Variants in RAI14 observed in about 807,000 individuals in gnomAD.
The protein encoded by RAI14 is ankycorbin.
A neutral mutation model predicts 115.4 loss-of-function variants in RAI14; 45 were observed. The observed-to-expected ratio is 0.39, with a 90% CI of 0.31 to 0.50. The LOEUF is 0.50. Ranked by LOEUF, RAI14 falls within the 20% of genes least tolerant of loss-of-function variation. The pLI is 0.85. For missense variants in RAI14, 939 were observed against 1,131.2 expected (o/e 0.83, Z 2.44); for synonymous variants, 371 against 415.4 (o/e 0.89, Z 1.30).
chr5:34,768,769 G>A (rs985435377), intron 3 of RAI14, among the ~76,000 whole-genome samples: 4 of 152,082 alleles, frequency 2.6e-5, no homozygotes, highest in Admixed American at 6.6e-5. Flanking sequence ...CGGGCAGATC[G>A]CTTGAGGTCA....
chr5:34,824,607 C>A, intron 15 of RAI14, 116 bp downstream of exon 15: 1 of 843,628 alleles, frequency 1.2e-6, no homozygotes, highest in Non-Finnish European at 1.7e-6. Context: ...CTCAGAGGCT[C>A]TGCACATGAA....
At chr5:34,794,988 GAGA>G (rs1202539100) in intron 3 of RAI14, among the ~76,000 whole-genome samples, 5 of 152,226 alleles carry the variant, frequency 3.3e-5, no homozygotes, top group Non-Finnish European at 7.3e-5. Context: ...ACTGACTCAG[GAGA>G]AGAACTAGAA....
chr5:34,720,653 G>A lies in RAI14; in HGVS notation c.36+33698G>A, dbSNP rs1219906052. Among the ~76,000 whole-genome samples, 4 of 151,974 alleles carry A rather than the reference G, an allele frequency of 2.6e-5. No homozygotes were observed. In the East Asian group the frequency reaches 7.8e-4, roughly 30 times the overall value. On this transcript the variant is annotated intron_variant, in intron 2 of 17. Coordinates refer to ENST00000265109, the MANE Select transcript of RAI14 (RefSeq NM_015577.3). ...TCTCGATCTCCTGACTTTGTGATCT[G>A]CCCACCTCGGCCTCCCAAAGTGCTG...
At chr5:34,706,766 A>C (rs967858579) in intron 2 of RAI14, among the ~76,000 whole-genome samples, 8 of 152,176 alleles carry the variant, frequency 5.3e-5, no homozygotes, top group African/African-American at 1.9e-4. Context: ...AGGGCACAGA[A>C]ATAATACTTG....
At chr5:34,666,128 C>T (rs879803870) in intron 1 of RAI14, among the ~76,000 whole-genome samples, 3 of 152,196 alleles carry the variant, frequency 2.0e-5, no homozygotes, top group Non-Finnish European at 2.9e-5. Flanking sequence ...GCAGCAGTTT[C>T]CCAGTTTTGC....
intron 3 of RAI14, among the ~76,000 whole-genome samples, chr5:34,764,955 G>A (rs1054494383): frequency 1.3e-5 from 2 of 152,068 alleles, no homozygotes; most frequent in Admixed American, 6.6e-5. Flanking sequence ...AATCCTGGGG[G>A]CAGTTTCCCC....
chr5:34,768,857 T>TGCA (rs1324391618), intron 3 of RAI14, among the ~76,000 whole-genome samples: 1 of 152,048 alleles, frequency 6.6e-6, no homozygotes, highest in African/African-American at 2.4e-5. Flanking sequence ...GATGTGTAGA[T>TGCA]GCACGCTTGT....
At chr5:34,698,224 C>T in intron 2 of RAI14, among the ~76,000 whole-genome samples, 1 of 142,726 alleles carries the variant, frequency 7.0e-6, no homozygotes, top group Admixed American at 7.2e-5. Context: ...CCATCTCCTC[C>T]CCTCCCTTTA....
Position 34,818,810 on chromosome 5 carries a change from C to A in RAI14, c.953C>A (p.Ser318Tyr). The change falls in exon 13 of 18, where the codon TCT (serine) becomes TAT (tyrosine). Residue 318 changes from serine (S) to tyrosine (Y), a missense_variant. Coordinates refer to ENST00000265109, the MANE Select transcript of RAI14 (RefSeq NM_015577.3). The part of the protein sequence containing the change: ...AEPPFKAEIS[S>Y]IRENKDRLSD... ...GTGTTTCAATAGGCTGAGATCAGTT[C>A]TATACGAGAAAACAAAGACAGACTA... The A allele has an allele frequency of 6.2e-7, 1 of 1,610,510 alleles. No homozygotes were observed. The highest frequency in any genetic ancestry group is 8.5e-7 in the Non-Finnish European group (1 of 1,178,140).
chr5:34,721,262 T>C (rs1177660575), intron 2 of RAI14, among the ~76,000 whole-genome samples: 1 of 146,920 alleles, frequency 6.8e-6, no homozygotes, highest in African/African-American at 2.5e-5. Flanking sequence ...TATATAGATA[T>C]GTGTGTGTAT....
chr5:34,662,286 A>G (rs1466152797), intron 1 of RAI14, among the ~76,000 whole-genome samples: 1 of 152,196 alleles, frequency 6.6e-6, no homozygotes, highest in Non-Finnish European at 1.5e-5. Context: ...AGGTCCCTAG[A>G]TATACTCTAA....
At chr5:34,688,040 A>T in intron 2 of RAI14, 1 of 1,408,534 alleles carries the variant, frequency 7.1e-7, no homozygotes, top group Non-Finnish European at 9.4e-7. Context: ...GTTATGAAAA[A>T]AGTTGATCTT....
chr5:34,687,982 T>G, intron 2 of RAI14: 3 of 1,167,408 alleles, frequency 2.6e-6, no homozygotes, highest in South Asian at 3.4e-5. Flanking sequence ...GAGATGCTTA[T>G]GGGATGATGG....
At chr5:34,780,720 AC>A (rs1345376642) in intron 3 of RAI14, among the ~76,000 whole-genome samples, 1 of 152,176 alleles carries the variant, frequency 6.6e-6, no homozygotes, top group Non-Finnish European at 1.5e-5. Flanking sequence ...AAGTCAGGAA[AC>A]AGGTGCTGGA....
chr5:34,738,457 G>A (rs1241855753), intron 2 of RAI14, among the ~76,000 whole-genome samples: 2 of 152,160 alleles, frequency 1.3e-5, no homozygotes, highest in African/African-American at 4.8e-5. Flanking sequence ...GGAATTCATG[G>A]GAGCAGTGCC....
At chr5:34,797,762 A>G (rs1252620714) in intron 4 of RAI14, among the ~76,000 whole-genome samples, 1 of 152,218 alleles carries the variant, frequency 6.6e-6, no homozygotes, top group African/African-American at 2.4e-5. Context: ...TCTTAAAGTT[A>G]TGCCATAAAA....
chr5:34,808,537 GA>G, intron 6 of RAI14, 46 bp from the exon 7 acceptor site: 1 of 1,556,528 alleles, frequency 6.4e-7, no homozygotes. Flanking sequence ...CCCTGGTTGT[GA>G]ATAACTGTGT....
chr5:34,815,958 T>C (rs1756179707), intron 12 of RAI14, among the ~76,000 whole-genome samples: 1 of 152,214 alleles, frequency 6.6e-6, no homozygotes, highest in African/African-American at 2.4e-5. Context: ...AAATAAGGTG[T>C]GGAAGTTACC....
At chr5:34,664,951 G>A (rs112175691) in intron 1 of RAI14, among the ~76,000 whole-genome samples, 11,637 of 133,270 alleles carry the variant, frequency 0.087, 880 homozygotes, top group African/African-American at 0.13. Context: ...AATGCTATTA[G>A]TTCACTCCTT....
Sources: gnomAD v4.1 joint callset for allele counts (sites outside exome capture counted in the v4.1 genomes callset) on GRCh38, gnomAD v4.1.1 for gene constraint, MANE v1.5 for transcripts, NCBI Gene and HGNC (gene_info 2026-07-23, HGNC 2026-07-21) for gene names.